The following IL1RAPL1 variants were observed in gnomAD, a reference collection of about 807,000 sequenced individuals.
IL1RAPL1 encodes the protein interleukin-1 receptor accessory protein-like 1.
Under a neutral mutation model 48.4 loss-of-function variants are expected in IL1RAPL1, and 3 were observed. The observed-to-expected ratio is 0.06, with a 90% confidence interval of 0.03 to 0.16. The LOEUF is 0.16. Ranked by LOEUF, IL1RAPL1 falls within the 10% of genes least tolerant of loss-of-function variation. The pLI is 1.00. For synonymous variants in IL1RAPL1, 185 were observed against 187.7 expected, an observed-to-expected ratio of 0.99 and a Z score of 0.12; for missense variants, 349 against 530.6, an observed-to-expected ratio of 0.66 and a Z score of 3.36.
intron 2 of IL1RAPL1, among the ~76,000 whole-genome samples, chrX:29,030,176 A>G (rs1394206957): frequency 9.0e-6 from 1 of 111,207 alleles, no homozygotes; most frequent in Non-Finnish European, 1.9e-5. Context: ...TCAGAATTGA[A>G]TAAAGTCAGT....
intron 5 of IL1RAPL1, among the ~76,000 whole-genome samples, chrX:29,461,138 C>T (rs1297632880): frequency 9.0e-6 from 1 of 111,215 alleles, no homozygotes; most frequent in Non-Finnish European, 1.9e-5. Flanking sequence ...AGACACTTCT[C>T]GCAAGAAGAT....
intron 5 of IL1RAPL1, among the ~76,000 whole-genome samples, chrX:29,617,607 A>T (rs910473185): frequency 2.1e-4 from 24 of 112,055 alleles, no homozygotes; most frequent in Non-Finnish European, 4.5e-4. Flanking sequence ...CAACGAAAGA[A>T]ACTTCACTAG....
chrX:29,340,920 C>A (rs1933064645), intron 3 of IL1RAPL1, among the ~76,000 whole-genome samples: 1 of 111,551 alleles, frequency 9.0e-6, no homozygotes, highest in African/African-American at 3.3e-5. Flanking sequence ...ATTAGTATAG[C>A]AATTCAGATT....
intron 5 of IL1RAPL1, among the ~76,000 whole-genome samples, chrX:29,521,894 T>C (rs1239214141): frequency 8.9e-6 from 1 of 111,930 alleles, no homozygotes; most frequent in African/African-American, 3.2e-5. Context: ...TAAAGTTATC[T>C]ATTCTGATTT....
chrX:29,728,877 C>T (rs1387011284), intron 6 of IL1RAPL1, among the ~76,000 whole-genome samples: 1 of 111,712 alleles, frequency 9.0e-6, no homozygotes, highest in Non-Finnish European at 1.9e-5. Context: ...ATGCCTATAC[C>T]TCAGCTGGAA....
At chrX:28,763,594 A>G (rs112749424) in intron 1 of IL1RAPL1, among the ~76,000 whole-genome samples, 27 of 111,392 alleles carry the variant, frequency 2.4e-4, no homozygotes, top group African/African-American at 8.8e-4. Context: ...CAGTGAGAAG[A>G]ATAAAAACTA....
intron 5 of IL1RAPL1, among the ~76,000 whole-genome samples, chrX:29,545,123 T>C (rs1392953666): frequency 9.1e-6 from 1 of 110,217 alleles, no homozygotes; most frequent in Non-Finnish European, 1.9e-5. Flanking sequence ...GAAATTTCCA[T>C]TGCTTAAGCC....
chrX:29,164,188 G>A (rs1325403315), intron 2 of IL1RAPL1, among the ~76,000 whole-genome samples: 1 of 111,088 alleles, frequency 9.0e-6, no homozygotes, highest in Non-Finnish European at 1.9e-5. Context: ...ACTTTGGACG[G>A]CACACATTAT....
Position 28,938,944 on chromosome X carries a change from G to A in IL1RAPL1, c.82+149519G>A, listed in dbSNP as rs747772453. Among the ~76,000 whole-genome samples, 3 of 109,637 alleles carry A rather than the reference G, an allele frequency of 2.7e-5. No homozygotes were observed. The Admixed American group carries it at 2.9e-4, about 11-fold the overall frequency. Reference sequence around the variant, plus strand: ...AAAAGGTCACTATCATTGATCATTAGAGAAATGCAAATCAAAACCACAATG... The same window carrying A: ...AAAAGGTCACTATCATTGATCATTAAAGAAATGCAAATCAAAACCACAATG... On this transcript the variant is annotated intron_variant, in intron 2 of 10. Coordinates refer to ENST00000378993, the MANE Select transcript of IL1RAPL1 (RefSeq NM_014271.4).
chrX:29,206,697 A>G (rs1930673009), intron 2 of IL1RAPL1, among the ~76,000 whole-genome samples: 2 of 112,154 alleles, frequency 1.8e-5, no homozygotes, highest in East Asian at 5.5e-4. Flanking sequence ...TTCCCCCTGA[A>G]GGAAACAGTA....
intron 2 of IL1RAPL1, among the ~76,000 whole-genome samples, chrX:29,196,431 A>G (rs6653810): frequency 0.029 from 3,214 of 112,306 alleles, 120 homozygotes; most frequent in African/African-American, 0.098. Context: ...GCTGCCATGG[A>G]TAATGCACAA....
At chrX:28,626,964 C>T (rs1934346899) in intron 1 of IL1RAPL1, among the ~76,000 whole-genome samples, 1 of 111,783 alleles carries the variant, frequency 8.9e-6, no homozygotes, top group African/African-American at 3.3e-5. Context: ...TTTTGGCTAT[C>T]CCTATTTTGT....
At chrX:28,831,042 G>C (rs866450660) in intron 2 of IL1RAPL1, among the ~76,000 whole-genome samples, 1,763 of 64,392 alleles carry the variant, frequency 0.027, 60 homozygotes, top group African/African-American at 0.12. Flanking sequence ...GTGTGTGTGT[G>C]TGTGTGTGTG....
chrX:28,943,837 T>C (rs1924226719), intron 2 of IL1RAPL1, among the ~76,000 whole-genome samples: 1 of 110,855 alleles, frequency 9.0e-6, no homozygotes, highest in Non-Finnish European at 1.9e-5. Context: ...GTGTCATTGG[T>C]ATACCACCTT....
intron 5 of IL1RAPL1, among the ~76,000 whole-genome samples, chrX:29,410,560 A>G (rs1201792121): frequency 1.8e-5 from 2 of 111,810 alleles, no homozygotes; most frequent in African/African-American, 6.5e-5. Flanking sequence ...TTCCCACTTC[A>G]TATGGATTTT....
At chrX:28,946,104 A>G (rs972291957) in intron 2 of IL1RAPL1, among the ~76,000 whole-genome samples, 5 of 109,835 alleles carry the variant, frequency 4.6e-5, no homozygotes, top group Non-Finnish European at 1.9e-5. Context: ...AAAGAGGTAC[A>G]TGGTTAATAT....
intron 6 of IL1RAPL1, among the ~76,000 whole-genome samples, chrX:29,797,804 C>T (rs1468199035): frequency 5.4e-5 from 6 of 111,363 alleles, no homozygotes; most frequent in African/African-American, 9.8e-5. Context: ...ACCTGGGAAG[C>T]GGAGGTTGTG....
intron 6 of IL1RAPL1, among the ~76,000 whole-genome samples, chrX:29,796,132 T>A (rs1477812524): frequency 8.9e-6 from 1 of 112,041 alleles, no homozygotes; most frequent in Non-Finnish European, 1.9e-5. Flanking sequence ...CCGAATAAAC[T>A]GTTTTCCTAT....
At chrX:29,898,788 C>T (rs1455489674) in intron 6 of IL1RAPL1, among the ~76,000 whole-genome samples, 1 of 111,997 alleles carries the variant, frequency 8.9e-6, no homozygotes, top group African/African-American at 3.2e-5. Flanking sequence ...ACTTCCACAA[C>T]TTCCCACTTA....
Sources: gnomAD v4.1 joint callset for allele counts (sites outside exome capture counted in the v4.1 genomes callset) on GRCh38, gnomAD v4.1.1 for gene constraint, MANE v1.5 for transcripts, NCBI Gene and HGNC (gene_info 2026-07-23, HGNC 2026-07-21) for gene names.